ZMYND8: variants seen among roughly 807,000 people sequenced by gnomAD.
ZMYND8 encodes the protein MYND-type zinc finger-containing chromatin reader ZMYND8.
Under a neutral mutation model 140.8 loss-of-function variants are expected in ZMYND8, and 37 were observed. The observed-to-expected ratio is 0.26, with a 90% confidence interval of 0.20 to 0.35. The LOEUF (loss-of-function observed/expected upper bound fraction) is 0.35, where lower values mean the gene tolerates loss of function less well. Among genes scored for constraint, ZMYND8 ranks in the 10% least tolerant of loss-of-function variants. ZMYND8 has a pLI of 1.00. For missense variants in ZMYND8, 1,068 were observed against 1,570.0 expected, an observed-to-expected ratio of 0.68 and a Z score of 5.40; for synonymous variants, 592 against 597.1, an observed-to-expected ratio of 0.99 and a Z score of 0.12.
Position 47,236,482 on chromosome 20 carries a change from G to A in ZMYND8, c.2700C>T (p.Ser900=). The A allele has an allele frequency of 6.2e-7, 1 of 1,603,982 alleles. No individual in the cohort carries two copies. The highest frequency in any genetic ancestry group is 8.5e-7 in the Non-Finnish European group (1 of 1,174,740). ...VQQKEITQSP[S]TSTITLVTST... is the part of the protein sequence containing the mutation. ...TGGTCACCAGGGTGATGGTGGACGT[G>A]GATGGGCTCTGTGTGATCTCCTTCT... Residue 900 remains serine, a synonymous_variant, in exon 16 of 23, where the codon TCC becomes TCT. Coordinates refer to ENST00000471951, the MANE Select transcript of ZMYND8 (RefSeq NM_001281775.3).
intron 14 of ZMYND8, among the ~76,000 whole-genome samples, chr20:47,241,127 C>G (rs1372029733): frequency 2.0e-5 from 3 of 151,766 alleles, no homozygotes; most frequent in Non-Finnish European, 4.4e-5. Context: ...AACCCCATCT[C>G]TACTAAAGAT....
chr20:47,296,719 G>A (rs146703571), intron 4 of ZMYND8, among the ~76,000 whole-genome samples: 54 of 152,276 alleles, frequency 3.5e-4, no homozygotes, highest in African/African-American at 1.2e-3. Flanking sequence ...AATTTGGGAG[G>A]TCAAGGTGGG....
chr20:47,236,634 A>C (rs2039275228), intron 15 of ZMYND8, 118 bp from the exon 16 acceptor site: 2 of 1,089,998 alleles, frequency 1.8e-6, no homozygotes, highest in African/African-American at 3.2e-5. Flanking sequence ...CTTTTAAATG[A>C]CAAAGATGCT....
intron 2 of ZMYND8, among the ~76,000 whole-genome samples, chr20:47,324,608 T>C (rs2080260141): frequency 6.6e-6 from 1 of 152,212 alleles, no homozygotes; most frequent in Admixed American, 6.5e-5. Context: ...TAAGGTCTTA[T>C]GAAGACCTGC....
Position 47,223,545 on chromosome 20 carries a change from C to T in ZMYND8, c.3256+772G>A, listed in dbSNP as rs1568905932. Reference sequence around the variant, plus strand: ...AATAATTCATAAAATATTATTGATGCCAGGCGCTGTGGCTCACGCCTGTAA... The same window carrying T: ...AATAATTCATAAAATATTATTGATGTCAGGCGCTGTGGCTCACGCCTGTAA... On this transcript the variant is annotated intron_variant, in intron 19 of 22. Coordinates refer to ENST00000471951, the MANE Select transcript of ZMYND8 (RefSeq NM_001281775.3). Among the ~76,000 whole-genome samples, 4 of 151,256 alleles carry T rather than the reference C, an allele frequency of 2.6e-5. No individual in the cohort carries two copies. In the South Asian group the frequency reaches 8.4e-4, roughly 32 times the overall value.
intron 2 of ZMYND8, among the ~76,000 whole-genome samples, chr20:47,313,482 C>A (rs907499176): frequency 6.6e-6 from 1 of 151,702 alleles, no homozygotes; most frequent in Admixed American, 6.6e-5. Flanking sequence ...ATTAGCCGGG[C>A]GTGGTGGCGG....
At chr20:47,242,264 T>C (rs528195671) in intron 14 of ZMYND8, among the ~76,000 whole-genome samples, 3 of 152,330 alleles carry the variant, frequency 2.0e-5, no homozygotes, top group South Asian at 2.1e-4. Flanking sequence ...GAGGGCGTTC[T>C]CGATGGTTAT....
chr20:47,329,042 C>G (rs2080712547), intron 2 of ZMYND8, among the ~76,000 whole-genome samples: 2 of 152,186 alleles, frequency 1.3e-5, no homozygotes, highest in Non-Finnish European at 2.9e-5. Flanking sequence ...ACAAAACACA[C>G]CAACTTGCAA....
At chr20:47,328,240 A>G (rs1476180357) in intron 2 of ZMYND8, among the ~76,000 whole-genome samples, 2 of 152,208 alleles carry the variant, frequency 1.3e-5, no homozygotes, top group Non-Finnish European at 2.9e-5. Flanking sequence ...CAGGTCCTAG[A>G]AAGTTCAACC....
intron 1 of ZMYND8, among the ~76,000 whole-genome samples, chr20:47,350,345 A>AAAAAAAAAAAAC (rs2082675856): frequency 6.8e-6 from 1 of 146,814 alleles, no homozygotes; most frequent in African/African-American, 2.6e-5. Flanking sequence ...AAAAAAAAAA[A>AAAAAAAAAAAAC]AAAAAAACTT....
rs116247722 is a variant in ZMYND8 at position 47,254,642 on chromosome 20, A to C, written c.1622-5203T>G. 2.7e-3 allele frequency among the ~76,000 whole-genome samples: 400 copies of C among 149,008 alleles called. 2 individuals carry two copies. The highest frequency in any genetic ancestry group is 9.5e-3 in the African/African-American group (385 of 40,410). On this transcript the variant is annotated intron_variant, in intron 12 of 22. Coordinates refer to ENST00000471951, the MANE Select transcript of ZMYND8 (RefSeq NM_001281775.3). ...AGGGGAGCCAAGAAGGAAATGGAAA[A>C]TCGCTGGGAAGGCTATATATTCTCA...
intron 11 of ZMYND8, 29 bp downstream of exon 11, chr20:47,276,285 T>A (rs200427524): frequency 1.6e-5 from 24 of 1,499,970 alleles, no homozygotes; most frequent in Non-Finnish European, 1.9e-5. Context: ...CCAAGGGGCC[T>A]CCTCCCCGCT....
chr20:47,237,792 A>T (rs1242582346), intron 15 of ZMYND8: 2 of 152,120 alleles, frequency 1.3e-5, no homozygotes, highest in Non-Finnish European at 2.9e-5. Flanking sequence ...GAGGATCTAG[A>T]TGCAGGTTTC....
chr20:47,247,236 G>A (rs769357900), intron 13 of ZMYND8, among the ~76,000 whole-genome samples: 9 of 152,214 alleles, frequency 5.9e-5, no homozygotes, highest in Non-Finnish European at 1.0e-4. Context: ...ATGAAAGAGC[G>A]GAAAATCTAG....
intron 3 of ZMYND8, among the ~76,000 whole-genome samples, chr20:47,300,048 T>C (rs1325214163): frequency 6.6e-6 from 1 of 152,182 alleles, no homozygotes; most frequent in Non-Finnish European, 1.5e-5. Flanking sequence ...GGTGGCCAAC[T>C]CATGGGAGGT....
intron 14 of ZMYND8, among the ~76,000 whole-genome samples, chr20:47,243,634 A>G (rs984201397): frequency 6.6e-6 from 1 of 152,148 alleles, no homozygotes; most frequent in Non-Finnish European, 1.5e-5. Context: ...ACCACTTGCT[A>G]TTCTACCTTC....
chr20:47,242,770 G>T (rs542189649), intron 14 of ZMYND8, among the ~76,000 whole-genome samples: 2 of 152,278 alleles, frequency 1.3e-5, no homozygotes, highest in South Asian at 4.1e-4. Context: ...AAGTTATTTA[G>T]ATATCAAAAT....
At chr20:47,310,869 T>G in intron 2 of ZMYND8, among the ~76,000 whole-genome samples, 1 of 151,578 alleles carries the variant, frequency 6.6e-6, no homozygotes, top group Non-Finnish European at 1.5e-5. Context: ...TACCCCACTT[T>G]TAGATGGAAA....
At chr20:47,312,402 G>C (rs1279659010) in intron 2 of ZMYND8, among the ~76,000 whole-genome samples, 2 of 152,180 alleles carry the variant, frequency 1.3e-5, no homozygotes, top group Non-Finnish European at 2.9e-5. Flanking sequence ...TATTCAGGGG[G>C]CTGCGTGGAG....
Sources: gnomAD v4.1 joint callset for allele counts (sites outside exome capture counted in the v4.1 genomes callset) on GRCh38, gnomAD v4.1.1 for gene constraint, MANE v1.5 for transcripts, NCBI Gene and HGNC (gene_info 2026-07-23, HGNC 2026-07-21) for gene names.